MDGA2: variants seen among roughly 807,000 people sequenced by gnomAD.
The protein encoded by MDGA2 is MAM domain containing glycosylphosphatidylinositol anchor 2, also known as MAM domain-containing glycosylphosphatidylinositol anchor protein 2.
Under a neutral mutation model 117.8 loss-of-function variants are expected in MDGA2, and 40 were observed. That is an observed-to-expected ratio of 0.34 (90% confidence interval 0.26 to 0.44). The LOEUF (loss-of-function observed/expected upper bound fraction) is 0.44, where lower values mean the gene tolerates loss of function less well. Ranked by LOEUF, MDGA2 falls within the 20% of genes least tolerant of loss-of-function variation. The probability of loss-of-function intolerance (pLI) is 1.00; values close to 1 mark genes in which losing one functional copy is unlikely to be tolerated. For synonymous variants in MDGA2, 452 were observed against 439.0 expected (o/e 1.03, Z -0.37); for missense variants, 1,123 against 1,250.6 (o/e 0.90, Z 1.54).
intron 2 of MDGA2, among the ~76,000 whole-genome samples, chr14:47,297,536 G>T (rs888819295): frequency 2.2e-4 from 33 of 146,888 alleles, no homozygotes; most frequent in African/African-American, 7.6e-4. Context: ...AGGTTAGGAG[G>T]GGGGCAGGGA....
rs191236436 is a variant in MDGA2, at chr14:46,866,806, G to A, written c.2752+6627C>T. On this transcript the variant is annotated intron_variant, in intron 14 of 16. Transcript: ENST00000399232. Reference sequence around the variant, plus strand: ...ACATGAAAAAATGCTCACCATCACTGGCCATCAGAGAAATGCAAATCAAAA... The same window carrying A: ...ACATGAAAAAATGCTCACCATCACTAGCCATCAGAGAAATGCAAATCAAAA... 1.8e-3 allele frequency among the ~76,000 whole-genome samples: 271 copies of A among 152,178 alleles called. 1 individual carries two copies. Among genetic ancestry groups the A allele is most frequent in the African/African-American group, 5.7e-3 (236 of 41,536 alleles).
At chr14:47,423,296 T>C (rs1050517931) in intron 1 of MDGA2, among the ~76,000 whole-genome samples, 4 of 152,344 alleles carry the variant, frequency 2.6e-5, no homozygotes, top group Middle Eastern at 6.8e-3. Flanking sequence ...TTCACTTCTG[T>C]GAGTTAACTT....
At chr14:47,545,861 T>C (rs1423866414) in intron 1 of MDGA2, among the ~76,000 whole-genome samples, 2 of 152,152 alleles carry the variant, frequency 1.3e-5, no homozygotes, top group Admixed American at 6.5e-5. Context: ...AATTTAAAAA[T>C]AGTGTTTATT....
intron 9 of MDGA2, among the ~76,000 whole-genome samples, chr14:46,944,010 G>T (rs1885084956): frequency 6.6e-6 from 1 of 152,050 alleles, no homozygotes; most frequent in African/African-American, 2.4e-5. Context: ...TAGGGAAATT[G>T]AAAGATAAAA....
rs184278694 is a variant in MDGA2 at position 47,171,478 on chromosome 14, G to A, written c.596-27204C>T. 3.3e-3 allele frequency among the ~76,000 whole-genome samples: 506 copies of A among 152,298 alleles called. 2 individuals carry two copies. Among genetic ancestry groups the A allele is most frequent in the Non-Finnish European group, 5.7e-3 (389 of 68,014 alleles). ...GGAAGAGGCAATTTATATGAAAAAT[G>A]TAACTACTTTTCTAGGATTCTTCTC... On this transcript the variant is annotated intron_variant, in intron 3 of 16. Transcript: ENST00000399232.
intron 1 of MDGA2, among the ~76,000 whole-genome samples, chr14:47,431,697 TA>T: frequency 6.6e-6 from 1 of 152,150 alleles, no homozygotes; most frequent in Admixed American, 6.6e-5. Context: ...AAAAATAAGT[TA>T]TACTTAACGG....
intron 1 of MDGA2, among the ~76,000 whole-genome samples, chr14:47,459,318 G>A (rs1224771136): frequency 6.6e-6 from 1 of 152,054 alleles, no homozygotes; most frequent in Admixed American, 6.6e-5. Context: ...TACAGGTCCT[G>A]CATCCCCAAG....
chr14:47,355,527 C>T (rs575870715), intron 1 of MDGA2, among the ~76,000 whole-genome samples: 2 of 152,124 alleles, frequency 1.3e-5, no homozygotes, highest in African/African-American at 4.8e-5. Context: ...TTTTATGGCC[C>T]TGTACCAGAA....
chr14:47,116,581 G>A (rs1056218426), intron 5 of MDGA2, among the ~76,000 whole-genome samples: 3 of 151,984 alleles, frequency 2.0e-5, no homozygotes, highest in African/African-American at 7.2e-5. Flanking sequence ...AAATGGAACA[G>A]AATAGAGAGC....
chr14:47,541,461 T>G lies in MDGA2; in HGVS notation c.280+133056A>C, dbSNP rs139087731. On this transcript the variant is annotated intron_variant, in intron 1 of 16. Transcript: ENST00000399232. ...CTCGTTTGGTTTCTAAATTTACCCT[T>G]TCTGTACTGATGCTCAAACTCTTAA... is the stretch of plus-strand genomic sequence containing the variant. Among the ~76,000 whole-genome samples the G allele has an allele frequency of 1.2e-4, 18 of 152,310 alleles. No individual in the cohort carries two copies. The East Asian group carries it at 3.5e-3, about 29-fold the overall frequency.
intron 2 of MDGA2, among the ~76,000 whole-genome samples, chr14:47,267,503 G>C (rs1340023456): frequency 6.6e-6 from 1 of 151,660 alleles, no homozygotes; most frequent in East Asian, 1.9e-4. Context: ...TCCAGTCACT[G>C]TGACTGTTGA....
rs3039571 is a variant in MDGA2, at chr14:47,403,464, CCT to C, written c.281-101916_281-101915del. 1.1e-3 allele frequency among the ~76,000 whole-genome samples: 169 copies of C among 151,526 alleles called. 1 individual carries two copies. The highest frequency in any genetic ancestry group is 3.6e-3 in the African/African-American group (148 of 41,312). ...ATATTGCGGTCTTCTTGTATTTTTC[CCT>C]CTCTATTTTCTGCCTGCAATGAACT... On this transcript the variant is annotated intron_variant, in intron 1 of 16. Transcript: ENST00000399232.
In MDGA2 at chr14:47,391,370, G is replaced by C. The variant is rs559150630; in HGVS notation, c.281-89820C>G. Among the ~76,000 whole-genome samples the C allele has an allele frequency of 2.3e-3, 349 of 152,256 alleles. 1 individual carries two copies. The highest frequency in any genetic ancestry group is 8.5e-3 in the South Asian group (41 of 4,824). ...GGCATTGTTTTGCCATAGTTTTTAG[G>C]AATCAGTTTCTGTGAATAGACAAGT... is the stretch of plus-strand genomic sequence containing the variant. On this transcript the variant is annotated intron_variant, in intron 1 of 16. Transcript: ENST00000399232.
At chr14:47,198,464 C>T (rs575490518) in intron 3 of MDGA2, among the ~76,000 whole-genome samples, 10 of 151,944 alleles carry the variant, frequency 6.6e-5, no homozygotes, top group African/African-American at 2.2e-4. Flanking sequence ...CCCAGCTACT[C>T]GGGAGGCTGA....
Position 47,217,200 on chromosome 14 carries a change from A to T in MDGA2, c.595+821T>A, listed in dbSNP as rs117395983. 7.5e-3 allele frequency among the ~76,000 whole-genome samples: 1,138 copies of T among 152,222 alleles called. 18 individuals are homozygous for T. The highest frequency in any genetic ancestry group is 0.012 in the Non-Finnish European group (846 of 67,998). On this transcript the variant is annotated intron_variant, in intron 3 of 16. Transcript: ENST00000399232. ...AAAGGAAGATAGGCAGAAAAACAAC[A>T]TCTCTCAGTTGTTGCTTATGTCTAA...
intron 3 of MDGA2, among the ~76,000 whole-genome samples, chr14:47,204,138 G>A (rs1047743630): frequency 1.3e-5 from 2 of 151,896 alleles, no homozygotes; most frequent in African/African-American, 4.8e-5. Flanking sequence ...TACTAAGACT[G>A]GAGTCATTCC....
rs1409886882 is a variant in MDGA2, at chr14:47,300,684, A to C, written c.420+727T>G. ...TTTTAATTTTTTTTTTTTTTTGTAGAGACACAGTCTCCTTTTGTTGCCCAG... is the reference window on the plus strand; with the variant it reads ...TTTTAATTTTTTTTTTTTTTTGTAGCGACACAGTCTCCTTTTGTTGCCCAG... On this transcript the variant is annotated intron_variant, in intron 2 of 16. Transcript: ENST00000399232. Among the ~76,000 whole-genome samples, 26 of 149,256 alleles carry C rather than the reference A, an allele frequency of 1.7e-4. No individual in the cohort carries two copies. The East Asian group carries it at 3.9e-3, about 23-fold the overall frequency.
intron 1 of MDGA2, among the ~76,000 whole-genome samples, chr14:47,632,054 C>T (rs914752658): frequency 6.6e-6 from 1 of 152,000 alleles, no homozygotes; most frequent in Non-Finnish European, 1.5e-5. Context: ...TATGCATGGA[C>T]ATGAAACCAT....
At chr14:47,477,795 GA>G (rs879470236) in intron 1 of MDGA2, among the ~76,000 whole-genome samples, 23 of 152,120 alleles carry the variant, frequency 1.5e-4, no homozygotes, top group Admixed American at 1.4e-3. Flanking sequence ...CTTTAATCGA[GA>G]AAAAAAACTG....
Sources: allele counts gnomAD v4.1 joint callset (sites outside exome capture counted in the v4.1 genomes callset), GRCh38; gene constraint gnomAD v4.1.1; transcripts MANE v1.5; gene names NCBI Gene and HGNC (gene_info 2026-07-23, HGNC 2026-07-21).